SBF2: variants seen among roughly 807,000 people sequenced by gnomAD.
The protein encoded by SBF2 is SET binding factor 2, also known as myotubularin-related protein 13.
In SBF2, 112 loss-of-function variants were observed where a neutral mutation model predicts 225.2. The observed-to-expected ratio is 0.50, with a 90% CI of 0.43 to 0.58. SBF2 has a LOEUF of 0.58. Ranked by LOEUF, SBF2 falls within the 20% of genes least tolerant of loss-of-function variation. SBF2 has a pLI of 0.00. For missense variants in SBF2, 1,996 were observed against 2,206.2 expected, an observed-to-expected ratio of 0.90 and a Z score of 1.91; for synonymous variants, 763 against 773.3, an observed-to-expected ratio of 0.99 and a Z score of 0.22.
intron 12 of SBF2, among the ~76,000 whole-genome samples, chr11:9,990,086 G>C (rs1361894447): frequency 6.6e-6 from 1 of 151,964 alleles, no homozygotes; most frequent in Non-Finnish European, 1.5e-5. Flanking sequence ...ACTCCTTCTA[G>C]TTCTCAAACT....
chr11:9,861,112 C>G (rs1857698669), intron 17 of SBF2, among the ~76,000 whole-genome samples: 1 of 152,186 alleles, frequency 6.6e-6, no homozygotes, highest in Non-Finnish European at 1.5e-5. Context: ...CATTCTAAAT[C>G]TGAAAATCTG....
rs373311846 is a variant in SBF2, at chr11:9,897,314, G to A, written c.1861-1303C>T. The stretch of plus-strand genomic sequence containing the variant: ...GTGCAGTGGTGTGATCTCAGCTCAC[G>A]GTAACCTCAGTCTCCCAGGTTAAAG... On this transcript the variant is annotated intron_variant, in intron 16 of 39. Transcript: ENST00000256190. Among the ~76,000 whole-genome samples the A allele has an allele frequency of 2.6e-3, 401 of 151,906 alleles. 4 individuals carry two copies. Among genetic ancestry groups the A allele is most frequent in the South Asian group, 0.023 (109 of 4,768 alleles).
At chr11:9,954,629 A>G (rs1866044716) in intron 16 of SBF2, among the ~76,000 whole-genome samples, 1 of 152,150 alleles carries the variant, frequency 6.6e-6, no homozygotes, top group Admixed American at 6.5e-5. Context: ...ATCCAAATGT[A>G]TTTGGTTTTT....
intron 6 of SBF2, among the ~76,000 whole-genome samples, chr11:10,003,250 GACA>G (rs1176615343): frequency 3.3e-5 from 5 of 152,130 alleles, no homozygotes; most frequent in African/African-American, 7.2e-5. Context: ...AATCCAGTCT[GACA>G]ACTTTTGTCT....
intron 2 of SBF2, among the ~76,000 whole-genome samples, chr11:10,047,081 T>G (rs537174303): frequency 9.9e-5 from 15 of 152,032 alleles, no homozygotes; most frequent in African/African-American, 3.6e-4. Flanking sequence ...ACGCAAAAGA[T>G]CTATATAAGG....
At chr11:10,106,142 AC>A (rs1952541101) in intron 2 of SBF2, among the ~76,000 whole-genome samples, 1 of 152,196 alleles carries the variant, frequency 6.6e-6, no homozygotes, top group Admixed American at 6.5e-5. Context: ...CAAGTAGTGA[AC>A]ATAGTACCCA....
chr11:9,878,327 C>T (rs1050996565), intron 17 of SBF2, among the ~76,000 whole-genome samples: 2 of 152,104 alleles, frequency 1.3e-5, no homozygotes, highest in African/African-American at 4.8e-5. Context: ...CAAAAATTTC[C>T]TCCCATTCCG....
intron 16 of SBF2, among the ~76,000 whole-genome samples, chr11:9,899,704 CT>C (rs1412674067): frequency 6.6e-6 from 1 of 152,102 alleles, no homozygotes; most frequent in Admixed American, 6.5e-5. Flanking sequence ...ACTGAGGACT[CT>C]GAGATACGTC....
chr11:10,044,151 A>G (rs558213836), intron 2 of SBF2, among the ~76,000 whole-genome samples: 1 of 152,274 alleles, frequency 6.6e-6, no homozygotes, highest in African/African-American at 2.4e-5. Context: ...AATTGAAATC[A>G]ATGATACTGA....
At chr11:10,189,576 C>T (rs1280269371) in intron 2 of SBF2, among the ~76,000 whole-genome samples, 1 of 151,458 alleles carries the variant, frequency 6.6e-6, no homozygotes, top group Admixed American at 6.6e-5. Context: ...TCTCCTCAAT[C>T]TACATTTACA....
At chr11:9,868,264 G>A (rs561207908) in intron 17 of SBF2, among the ~76,000 whole-genome samples, 2 of 149,928 alleles carry the variant, frequency 1.3e-5, no homozygotes, top group East Asian at 2.0e-4. Context: ...GGAGGCTGAG[G>A]TGGGTGGATC....
chr11:10,075,295 T>A (rs1432439179), intron 2 of SBF2, among the ~76,000 whole-genome samples: 5 of 152,230 alleles, frequency 3.3e-5, no homozygotes, highest in Non-Finnish European at 7.3e-5. Flanking sequence ...CTGGTTAGCA[T>A]TCTGCCTCAG....
rs558732919 is a variant in SBF2, at chr11:9,938,469, CA to C, written c.1860+23487del. ...ATGCCCAGGAATGGCTTAAAAAGTA[CA>C]AAAAAAAAAAATCAATGTAGGATAA... is the stretch of plus-strand genomic sequence containing the variant. On this transcript the variant is annotated intron_variant, in intron 16 of 39. Coordinates refer to ENST00000256190, the MANE Select transcript of SBF2 (RefSeq NM_030962.4). Among the ~76,000 whole-genome samples the C allele has an allele frequency of 3.2e-3, 377 of 118,380 alleles. 1 individual carries two copies. The highest frequency in any genetic ancestry group is 4.8e-3 in the Middle Eastern group (1 of 210). 77.7% of individuals were successfully genotyped at this position (118,380 alleles called of 152,430 possible).
At chr11:10,091,085 C>T (rs1201870696) in intron 2 of SBF2, among the ~76,000 whole-genome samples, 2 of 152,160 alleles carry the variant, frequency 1.3e-5, no homozygotes, top group East Asian at 3.8e-4. Context: ...ACTCAAGATA[C>T]TATGCTAACA....
intron 2 of SBF2, among the ~76,000 whole-genome samples, chr11:10,127,871 A>G (rs1953834326): frequency 6.6e-6 from 1 of 152,236 alleles, no homozygotes; most frequent in Non-Finnish European, 1.5e-5. Flanking sequence ...TAAGTAGGCT[A>G]CGCAAATTAT....
intron 1 of SBF2, among the ~76,000 whole-genome samples, chr11:10,209,156 G>A (rs1355290292): frequency 2.0e-5 from 3 of 152,028 alleles, no homozygotes; most frequent in Non-Finnish European, 2.9e-5. Flanking sequence ...GTCAATAAAG[G>A]AGAAGTTACA....
chr11:10,167,027 C>T (rs1955990324), intron 2 of SBF2, among the ~76,000 whole-genome samples: 2 of 150,516 alleles, frequency 1.3e-5, no homozygotes, highest in Admixed American at 1.3e-4. Context: ...ACCAGTTAAG[C>T]AACTGCTCAG....
chr11:9,945,774 C>T (rs1328299710), intron 16 of SBF2, among the ~76,000 whole-genome samples: 5 of 152,056 alleles, frequency 3.3e-5, no homozygotes, highest in Admixed American at 6.6e-5. Flanking sequence ...GGGCAAAGGA[C>T]ATGAACAGAC....
At chr11:9,884,005 G>C (rs1031865769) in intron 17 of SBF2, among the ~76,000 whole-genome samples, 3 of 152,180 alleles carry the variant, frequency 2.0e-5, no homozygotes, top group Non-Finnish European at 4.4e-5. Flanking sequence ...CAGACTCTTA[G>C]GGTTCTGAGA....
Sources: allele counts gnomAD v4.1 joint callset (sites outside exome capture counted in the v4.1 genomes callset), GRCh38; gene constraint gnomAD v4.1.1; transcripts MANE v1.5; gene names NCBI Gene and HGNC (gene_info 2026-07-23, HGNC 2026-07-21).